N4BP3: variants seen among roughly 807,000 people sequenced by gnomAD.
The protein encoded by N4BP3 is NEDD4 binding protein 3.
A neutral mutation model predicts 43.8 loss-of-function variants in N4BP3; 33 were observed. The observed-to-expected ratio is 0.75, with a 90% CI of 0.57 to 1.01. The LOEUF (loss-of-function observed/expected upper bound fraction) is 1.01, where lower values mean the gene tolerates loss of function less well. Ranked by LOEUF, N4BP3 falls within the 50% of genes least tolerant of loss-of-function variation. The pLI, the probability that N4BP3 is intolerant of heterozygous loss-of-function variation, is 0.00. For missense variants in N4BP3, 756 were observed against 744.2 expected (o/e 1.02, Z -0.18); for synonymous variants, 326 against 321.9 (o/e 1.01, Z -0.14).
In N4BP3 at chr5:178,122,159, G is replaced by A; in HGVS notation, c.*158G>A. On this transcript the variant is annotated 3_prime_UTR_variant, in exon 5 of 5. Transcript: ENST00000274605. ...AGGGATCCAGTGGGGCCGTGGGCTG[G>A]GTAGGGTGCCTTGGCAGGAGCCAGG... The A allele has an allele frequency of 2.1e-6, 2 of 959,430 alleles. No individual in the cohort carries two copies. Among genetic ancestry groups the A allele is most frequent in the South Asian group, 3.6e-5 (2 of 56,194 alleles). The allele number at this position is 959,430 out of a possible 1,614,324, so 59.4% of individuals were successfully genotyped here. A position where few individuals can be genotyped will look rare whatever the true frequency, so the allele number is the denominator to read the frequency against.
rs1239150869 is a variant in N4BP3 at position 178,125,914 on chromosome 5, C to T, written c.*3913C>T. The T allele has an allele frequency of 1.3e-5, 2 of 150,024 alleles. No individual in the cohort carries two copies. Among genetic ancestry groups the T allele is most frequent in the African/African-American group, 4.9e-5 (2 of 40,824 alleles). The allele number at this position is 150,024 out of a possible 1,614,324, so 9.3% of individuals were successfully genotyped here. On this transcript the variant is annotated 3_prime_UTR_variant, in exon 5 of 5. Transcript: ENST00000274605. ...TTTTTTCTCTTTCCTTTTTTGTGAG[C>T]GGTATTTAATTCCTTTGCTCTAATA...
chr5:178,121,097 G>A lies in N4BP3; in HGVS notation c.853-1G>A. 1 of 1,596,864 alleles carries A rather than the reference G, an allele frequency of 6.3e-7. No homozygotes were observed. Among genetic ancestry groups the A allele is most frequent in the Non-Finnish European group, 8.5e-7 (1 of 1,178,976 alleles). On this transcript the variant is annotated splice_acceptor_variant, in intron 3 of 4. Transcript: ENST00000274605. LOFTEE classifies it high-confidence loss of function. Reference sequence around the variant, plus strand: ...GTGGATGCATCTCTTCCCCTTGACAGGTGCTGGAGGAGCGCCAGCGGCTGT... The same window carrying A: ...GTGGATGCATCTCTTCCCCTTGACAAGTGCTGGAGGAGCGCCAGCGGCTGT...
chr5:178,126,414 G>T (rs550855976), downstream of N4BP3, among the ~76,000 whole-genome samples: 1 of 151,920 alleles, frequency 6.6e-6, no homozygotes, highest in East Asian at 1.9e-4. Context: ...TCCTAACCTC[G>T]TGATCCACCC....
At position 178,118,516 on chromosome 5, in the gene N4BP3, A is replaced by G. The variant is rs1388520680; in HGVS notation, c.-30-1038A>G. ...GTGGTGGGCTTTGGAATAAGAGCAT[A>G]TACAGGGGCTGGAGTGAGTCCAGCT... is the stretch of plus-strand genomic sequence containing the variant. On this transcript the variant is annotated intron_variant, in intron 1 of 4. Transcript: ENST00000274605. This position sits in a 1 kb window ranked among gnomAD's most constrained non-coding sequence, Gnocchi z 5.4. Among the ~76,000 whole-genome samples the G allele has an allele frequency of 6.6e-6, 1 of 152,196 alleles. No homozygotes were observed. Among genetic ancestry groups the G allele is most frequent in the African/African-American group, 2.4e-5 (1 of 41,446 alleles).
chr5:178,117,001 T>C (rs1410315925), intron 1 of N4BP3, among the ~76,000 whole-genome samples: 1 of 152,002 alleles, frequency 6.6e-6, no homozygotes, highest in Non-Finnish European at 1.5e-5. Context: ...TAAATAGAGA[T>C]GGGGTCTCGC....
chr5:178,126,573 G>T (rs116330246), downstream of N4BP3, among the ~76,000 whole-genome samples: 1,370 of 152,276 alleles, frequency 9.0e-3, 19 homozygotes, highest in African/African-American at 0.032. Context: ...GAAGCTGTGG[G>T]AGGCTGAATG....
rs374328672 is a variant in N4BP3 at position 178,120,694 on chromosome 5, A to T, written c.847A>T (p.Thr283Ser). Residue 283 changes from threonine to serine, a missense_variant, in exon 3 of 5, where the codon ACG becomes TCG. Physicochemically the swap from Thr to Ser is moderately conservative, Grantham distance 58 (BLOSUM62 1). Transcript: ENST00000274605. Reference sequence around the variant, plus strand: ...CGATGAGGACGGCTCCAACCCCTTCACGCAGGTGAGGGAGCCCCTGCCCTG... The same window carrying T: ...CGATGAGGACGGCTCCAACCCCTTCTCGCAGGTGAGGGAGCCCCTGCCCTG... ...LGDEDGSNPFTQVLEERQRLW... is the reference protein window; with the variant it reads ...LGDEDGSNPFSQVLEERQRLW... 6.9e-6 allele frequency: 11 copies of T among 1,585,292 alleles called. No homozygotes were observed. In the African/African-American group the frequency reaches 1.3e-4, roughly 19 times the overall value.
chr5:178,115,051 G>A (rs1451179096), intron 1 of N4BP3, among the ~76,000 whole-genome samples: 1 of 152,160 alleles, frequency 6.6e-6, no homozygotes, highest in African/African-American at 2.4e-5. Flanking sequence ...TGGGATCTTG[G>A]ATAACTCACC....
At chr5:178,115,828 T>A (rs117721946) in intron 1 of N4BP3, among the ~76,000 whole-genome samples, 2,253 of 152,320 alleles carry the variant, frequency 0.015, 28 homozygotes, top group East Asian at 0.083. Context: ...CACCAAGGAT[T>A]GGTCCGAAAG....
rs1456488596 is a variant in N4BP3 at position 178,121,135 on chromosome 5, T to C, written c.890T>C (p.Leu297Pro). 1.9e-6 allele frequency: 3 copies of C among 1,599,100 alleles called. No homozygotes were observed. In the African/African-American group the frequency reaches 4.0e-5, roughly 21 times the overall value. The change falls in exon 4 of 5, where the codon CTG becomes CCG. Residue 297 changes from leucine to proline, a missense_variant. By Grantham distance (98) the Leu-to-Pro change is moderately conservative. Coordinates refer to ENST00000274605, the MANE Select transcript of N4BP3 (RefSeq NM_015111.2). ...CGCCAGCGGCTGTGGCTGGCTGAGC[T>C]GAAGCGCCTGTATGTGGAGCGGCTG... The part of the protein sequence containing the change: ...EERQRLWLAE[L>P]KRLYVERLHE...
rs552289565 is a variant in N4BP3 at position 178,120,228 on chromosome 5, C to A, written c.381C>A (p.Gly127=). Residue 127 remains glycine, a synonymous_variant, in exon 3 of 5, where the codon GGC becomes GGA. Transcript: ENST00000274605. ...VFKPTAGNGK[G]FLSMQSLASH... is the part of the protein sequence containing the mutation. ...AGCCTACGGCGGGCAACGGGAAAGG[C>A]TTCCTATCCATGCAAAGTCTGGCGT... 6.2e-7 allele frequency: 1 copy of A among 1,600,806 alleles called. No individual in the cohort carries two copies. The highest frequency in any genetic ancestry group is 8.5e-7 in the Non-Finnish European group (1 of 1,171,992).
At position 178,121,175 on chromosome 5, in the gene N4BP3, G is replaced by A. The variant is rs932390317; in HGVS notation, c.930G>A (p.Gln310=). The A allele has an allele frequency of 5.6e-6, 9 of 1,602,176 alleles. No homozygotes were observed. The highest frequency in any genetic ancestry group is 6.8e-6 in the Non-Finnish European group (8 of 1,178,214). ...LYVERLHEVT[Q]KAERSERNLQ... ...TGGAGCGGCTGCACGAGGTGACCCA[G>A]AAGGCTGAGCGCAGCGAGCGCAACC... Residue 310 remains glutamine (Q), a synonymous_variant, in exon 4 of 5, where the codon CAG becomes CAA. Coordinates refer to ENST00000274605, the MANE Select transcript of N4BP3 (RefSeq NM_015111.2).
rs1757977684 is a variant in N4BP3 at position 178,123,346 on chromosome 5, T to C, written c.*1345T>C. The C allele has an allele frequency of 1.3e-5, 2 of 152,250 alleles. No homozygotes were observed. Among genetic ancestry groups the C allele is most frequent in the African/African-American group, 4.8e-5 (2 of 41,438 alleles). 9.4% of individuals were successfully genotyped at this position (152,250 alleles called of 1,614,324 possible). ...AGGTGCTGTGCTGGGCCCTTGTGAG[T>C]GTGGGGGCACAGGCTGAATTAGATG... On this transcript the variant is annotated 3_prime_UTR_variant, in exon 5 of 5. Transcript: ENST00000274605.
rs1236854222 is a variant in N4BP3, at chr5:178,118,939, C to A, written c.-30-615C>A. Among the ~76,000 whole-genome samples the A allele has an allele frequency of 6.6e-6, 1 of 151,312 alleles. No individual in the cohort carries two copies. The highest frequency in any genetic ancestry group is 2.4e-5 in the African/African-American group (1 of 41,146). On this transcript the variant is annotated intron_variant, in intron 1 of 4. Coordinates refer to ENST00000274605, the MANE Select transcript of N4BP3 (RefSeq NM_015111.2). The surrounding 1 kb of genome is among the most constrained non-coding windows in gnomAD (Gnocchi z 5.4). ...GGAGTGCAGTGGTGCGATCTCGGCTCACTGCAAGCTCTGCCTCCCAGGTTC... is the reference window on the plus strand; with the variant it reads ...GGAGTGCAGTGGTGCGATCTCGGCTAACTGCAAGCTCTGCCTCCCAGGTTC...
intron 1 of N4BP3, among the ~76,000 whole-genome samples, chr5:178,115,832 C>A (rs1757759722): frequency 6.6e-6 from 1 of 152,214 alleles, no homozygotes; most frequent in African/African-American, 2.4e-5. Flanking sequence ...AAGGATTGGT[C>A]CGAAAGCAAT....
chr5:178,119,430 C>A, intron 1 of N4BP3, 124 bp from the exon 2 acceptor site: 1 of 636,866 alleles, frequency 1.6e-6, no homozygotes. Context: ...GGACCCACAT[C>A]TGCCTTACCT....
Position 178,121,371 on chromosome 5 carries a change from C to T in N4BP3, c.1107+19C>T. ...ATGGGAGGTGAGAGATGACACAGGG[C>T]TCCGAGACTCTCCCATCTCCATTGC... is the stretch of plus-strand genomic sequence containing the variant. On this transcript the variant is annotated intron_variant, in intron 4 of 4. Transcript: ENST00000274605. The T allele has an allele frequency of 6.2e-7, 1 of 1,605,972 alleles. No homozygotes were observed. Among genetic ancestry groups the T allele is most frequent in the East Asian group, 2.2e-5 (1 of 44,770 alleles).
In N4BP3 at chr5:178,115,328, C is replaced by T. The variant is rs1167790467; in HGVS notation, c.-31+1557C>T. Among the ~76,000 whole-genome samples the T allele has an allele frequency of 2.6e-5, 4 of 152,146 alleles. No homozygotes were observed. The East Asian group carries it at 7.7e-4, about 29-fold the overall frequency. On this transcript the variant is annotated intron_variant, in intron 1 of 4. Coordinates refer to ENST00000274605, the MANE Select transcript of N4BP3 (RefSeq NM_015111.2). ...GCCTCTCCCAGCCCCTCTCTGGGCCCCCCTTGCCTACTACCCCCCCCTTTT... is the reference window on the plus strand; with the variant it reads ...GCCTCTCCCAGCCCCTCTCTGGGCCTCCCTTGCCTACTACCCCCCCCTTTT...
chr5:178,122,184 G>C lies in N4BP3; in HGVS notation c.*183G>C. On this transcript the variant is annotated 3_prime_UTR_variant, in exon 5 of 5. Transcript: ENST00000274605. ...GGTAGGGTGCCTTGGCAGGAGCCAGGACAAGGCCCTCCTGGCAGAGGAGCA... is the reference window on the plus strand; with the variant it reads ...GGTAGGGTGCCTTGGCAGGAGCCAGCACAAGGCCCTCCTGGCAGAGGAGCA... 1 of 693,036 alleles carries C rather than the reference G, an allele frequency of 1.4e-6. No homozygotes were observed. Among genetic ancestry groups the C allele is most frequent in the South Asian group, 2.0e-5 (1 of 48,904 alleles). 42.9% of individuals were successfully genotyped at this position (693,036 alleles called of 1,614,324 possible). A position where few individuals can be genotyped will look rare whatever the true frequency, so the allele number is the denominator to read the frequency against.
Sources: allele counts gnomAD v4.1 joint callset (sites outside exome capture counted in the v4.1 genomes callset), GRCh38; gene constraint gnomAD v4.1.1; non-coding constraint Gnocchi (gnomAD v3.1); transcripts MANE v1.5; gene names NCBI Gene and HGNC (gene_info 2026-07-23, HGNC 2026-07-21).